VPS13B: variants seen among roughly 807,000 people sequenced by gnomAD.
VPS13B encodes vacuolar protein sorting 13 homolog B, also known as intermembrane lipid transfer protein VPS13B.
Under a neutral mutation model 426.4 loss-of-function variants are expected in VPS13B, and 285 were observed. That is an observed-to-expected ratio of 0.67 (90% CI 0.61 to 0.74). VPS13B has a LOEUF of 0.74. VPS13B is among the 30% of genes least tolerant of loss of function. The pLI, the probability that VPS13B is intolerant of heterozygous loss-of-function variation, is 0.00. For missense variants in VPS13B, 4,537 were observed against 4,782.6 expected, an observed-to-expected ratio of 0.95 and a Z score of 1.51; for synonymous variants, 1,676 against 1,676.4, an observed-to-expected ratio of 1.00 and a Z score of 0.01.
At chr8:99,116,965 A>T (rs545942868) in intron 7 of VPS13B, among the ~76,000 whole-genome samples, 195 of 152,328 alleles carry the variant, frequency 1.3e-3, no homozygotes, top group African/African-American at 4.3e-3. Flanking sequence ...ACAGATAGAC[A>T]TGTCAGTAGT....
intron 7 of VPS13B, 141 bp downstream of exon 7, chr8:99,116,015 A>T: frequency 1.1e-6 from 1 of 910,890 alleles, no homozygotes. Flanking sequence ...GTTGTTTTAC[A>T]CTATTTTAAT....
chr8:99,459,923 A>T (rs1818737787), intron 23 of VPS13B, among the ~76,000 whole-genome samples: 1 of 152,066 alleles, frequency 6.6e-6, no homozygotes, highest in Non-Finnish European at 1.5e-5. Context: ...TAGCTACTTC[A>T]GCTTTCTTAT....
At chr8:99,650,656 AC>A (rs1488087660) in intron 34 of VPS13B, among the ~76,000 whole-genome samples, 2 of 152,182 alleles carry the variant, frequency 1.3e-5, no homozygotes, top group African/African-American at 4.8e-5. Flanking sequence ...ATAATAAATA[AC>A]AAAATAATAC....
intron 31 of VPS13B, among the ~76,000 whole-genome samples, chr8:99,564,105 A>G (rs1825072555): frequency 6.6e-6 from 1 of 152,038 alleles, no homozygotes; most frequent in Non-Finnish European, 1.5e-5. Flanking sequence ...TGTTGTAGGG[A>G]GTGGGGAGTA....
chr8:99,412,317 A>T (rs1035671605), intron 21 of VPS13B, among the ~76,000 whole-genome samples: 2 of 152,052 alleles, frequency 1.3e-5, no homozygotes, highest in African/African-American at 4.8e-5. Context: ...TAGGTATTTT[A>T]TTCTCTTAGT....
rs1196838395 is a variant in VPS13B, at chr8:99,835,204, G to C, written c.9622G>C (p.Val3208Leu). The change falls in exon 53 of 62, where the codon GTG becomes CTG. Residue 3208 changes from valine (V) to leucine (L), a missense_variant. Coordinates refer to ENST00000357162, the MANE Select transcript of VPS13B (RefSeq NM_152564.5). The part of the protein sequence containing the change: ...RENGFCTRAI[V>L]LTYQEHLGVT... ...GACTTGATTCTCTTCCAGGGCTATAGTGCTGACATATCAAGAACACCTCGG... is the reference window on the plus strand; with the variant it reads ...GACTTGATTCTCTTCCAGGGCTATACTGCTGACATATCAAGAACACCTCGG... 1 of 1,613,856 alleles carries C rather than the reference G, an allele frequency of 6.2e-7. No individual in the cohort carries two copies. Among genetic ancestry groups the C allele is most frequent in the Non-Finnish European group, 8.5e-7 (1 of 1,179,944 alleles).
intron 36 of VPS13B, among the ~76,000 whole-genome samples, chr8:99,707,980 A>T (rs752188009): frequency 6.6e-6 from 1 of 152,226 alleles, no homozygotes; most frequent in Admixed American, 6.5e-5. Flanking sequence ...GAGTAAGTTT[A>T]TATCAATTTT....
intron 3 of VPS13B, among the ~76,000 whole-genome samples, chr8:99,040,642 T>C (rs1842926956): frequency 6.6e-6 from 1 of 152,202 alleles, no homozygotes; most frequent in African/African-American, 2.4e-5. Flanking sequence ...TGAATTAGTT[T>C]ATATTCAAAG....
At chr8:99,064,605 A>G (rs1015427308) in intron 3 of VPS13B, among the ~76,000 whole-genome samples, 20 of 152,236 alleles carry the variant, frequency 1.3e-4, no homozygotes, top group Admixed American at 1.1e-3. Flanking sequence ...ATATGGGACT[A>G]TGTGAAAAAA....
chr8:99,730,285 C>A (rs1458283676), intron 39 of VPS13B, among the ~76,000 whole-genome samples: 4 of 152,016 alleles, frequency 2.6e-5, no homozygotes, highest in Non-Finnish European at 5.9e-5. Flanking sequence ...GGCCTGGGGG[C>A]TTTGGGGAAG....
At chr8:99,863,082 T>G (rs1029989557) in intron 58 of VPS13B, among the ~76,000 whole-genome samples, 1 of 152,182 alleles carries the variant, frequency 6.6e-6, no homozygotes. Flanking sequence ...GTCCTTTCTT[T>G]GTGACCTCAG....
intron 3 of VPS13B, 111 bp downstream of exon 3, chr8:99,038,677 T>C: frequency 3.5e-6 from 2 of 579,092 alleles, no homozygotes; most frequent in East Asian, 4.2e-5. Flanking sequence ...TTAGCTTATA[T>C]ACTTTTTTTT....
intron 34 of VPS13B, among the ~76,000 whole-genome samples, chr8:99,645,642 C>T (rs1290130168): frequency 6.6e-6 from 1 of 152,190 alleles, no homozygotes; most frequent in East Asian, 1.9e-4. Flanking sequence ...TAAGGCTCTG[C>T]AGTATCAGGT....
At chr8:99,449,028 G>T (rs1248646746) in intron 23 of VPS13B, among the ~76,000 whole-genome samples, 1 of 152,022 alleles carries the variant, frequency 6.6e-6, no homozygotes, top group African/African-American at 2.4e-5. Context: ...GATGGATTGG[G>T]GGTAATTGGA....
chr8:99,678,748 AGCTG>A (rs1831042651), intron 35 of VPS13B, among the ~76,000 whole-genome samples: 1 of 152,160 alleles, frequency 6.6e-6, no homozygotes, highest in South Asian at 2.1e-4. Context: ...TCCATATGTT[AGCTG>A]GCATACTTCT....
chr8:99,717,871 G>A (rs1432406938), intron 37 of VPS13B, among the ~76,000 whole-genome samples: 2 of 152,080 alleles, frequency 1.3e-5, no homozygotes, highest in Non-Finnish European at 1.5e-5. Context: ...TCCTTTTTAT[G>A]GCCAAATGAC....
chr8:99,644,056 G>A (rs763203285), intron 34 of VPS13B, among the ~76,000 whole-genome samples: 2 of 152,102 alleles, frequency 1.3e-5, no homozygotes, highest in Non-Finnish European at 1.5e-5. Flanking sequence ...TAGGTGGGTG[G>A]CCCGTACTAA....
At position 99,159,921 on chromosome 8, in the gene VPS13B, G is replaced by T. The variant is rs1811553881; in HGVS notation, c.2208+3178G>T. The stretch of plus-strand genomic sequence containing the variant: ...CTATCTGCCTACCTTGCTTCCCAAA[G>T]TGCTGTGATTACAGGTGTGAACCAC... On this transcript the variant is annotated intron_variant, in intron 15 of 61. Transcript: ENST00000357162. Among the ~76,000 whole-genome samples, 2 of 152,126 alleles carry T rather than the reference G, an allele frequency of 1.3e-5. 1 individual carries two copies. Among genetic ancestry groups the T allele is most frequent in the Middle Eastern group, 6.8e-3 (2 of 292 alleles).
intron 19 of VPS13B, among the ~76,000 whole-genome samples, chr8:99,381,952 A>T (rs1813836848): frequency 6.6e-6 from 1 of 151,884 alleles, no homozygotes; most frequent in Non-Finnish European, 1.5e-5. Context: ...TAGGACTTTT[A>T]TAGTTTTGAG....
Sources: allele counts gnomAD v4.1 joint callset (sites outside exome capture counted in the v4.1 genomes callset), GRCh38; gene constraint gnomAD v4.1.1; transcripts MANE v1.5; gene names NCBI Gene and HGNC (gene_info 2026-07-23, HGNC 2026-07-21).